Variants in CTDSPL2 observed in about 807,000 individuals in gnomAD.
The protein encoded by CTDSPL2 is CTD small phosphatase like 2, also known as CTD small phosphatase-like protein 2.
CTDSPL2 carries 5 observed loss-of-function variants against 60.0 expected under a neutral mutation model. The ratio of observed to expected loss-of-function variants is 0.08; its 90% CI spans 0.04 to 0.18. CTDSPL2 has a LOEUF of 0.18. Among genes scored for constraint, CTDSPL2 ranks in the 10% least tolerant of loss-of-function variants. The probability of loss-of-function intolerance (pLI) is 1.00; values close to 1 mark genes in which losing one functional copy is unlikely to be tolerated. For missense variants in CTDSPL2, 370 were observed against 548.8 expected, an observed-to-expected ratio of 0.67 and a Z score of 3.26; for synonymous variants, 186 against 189.3, an observed-to-expected ratio of 0.98 and a Z score of 0.14.
chr15:44,465,774 T>A (rs1006940856), intron 2 of CTDSPL2, among the ~76,000 whole-genome samples: 3 of 144,868 alleles, frequency 2.1e-5, no homozygotes, highest in Non-Finnish European at 4.5e-5. Context: ...AGTGCAGTGG[T>A]ACAATCTGGG....
At chr15:44,435,521 A>G (rs1402878061) in intron 1 of CTDSPL2, among the ~76,000 whole-genome samples, 2 of 150,238 alleles carry the variant, frequency 1.3e-5, no homozygotes, top group Non-Finnish European at 3.0e-5. Context: ...GTGAGCTGAG[A>G]TCGCGCCATC....
chr15:44,474,056 G>A (rs562279447), intron 2 of CTDSPL2, among the ~76,000 whole-genome samples: 17 of 152,050 alleles, frequency 1.1e-4, no homozygotes, highest in Non-Finnish European at 1.9e-4. Context: ...TCCAACTTCT[G>A]GGCTCAGGCA....
rs144938173 is a variant in CTDSPL2, at chr15:44,505,815, G to A, written c.969+6002G>A. On this transcript the variant is annotated intron_variant, in intron 8 of 12. Coordinates refer to ENST00000260327, the MANE Select transcript of CTDSPL2 (RefSeq NM_016396.3). The stretch of plus-strand genomic sequence containing the variant: ...TAATGGCTATAAATTTAGAAGGTGT[G>A]ACAGTTGATTACATTAAATTGGAGG... Among the ~76,000 whole-genome samples the A allele has an allele frequency of 2.4e-3, 369 of 151,872 alleles. 5 individuals carry two copies. The highest frequency in any genetic ancestry group is 8.7e-3 in the African/African-American group (362 of 41,424).
intron 2 of CTDSPL2, among the ~76,000 whole-genome samples, chr15:44,468,753 C>T (rs148024469): frequency 3.8e-4 from 58 of 152,124 alleles, no homozygotes; most frequent in African/African-American, 1.1e-3. Flanking sequence ...GTTTTGTGTT[C>T]CATAGTTTTA....
chr15:44,484,413 C>G (rs2081082976), intron 3 of CTDSPL2, 51 bp downstream of exon 3: 5 of 1,513,246 alleles, frequency 3.3e-6, no homozygotes, highest in Non-Finnish European at 4.6e-6. Context: ...AGAGATCTCA[C>G]CTGACACATT....
chr15:44,471,812 CTGTCTCTA>C (rs1415876606), intron 2 of CTDSPL2, among the ~76,000 whole-genome samples: 1 of 151,982 alleles, frequency 6.6e-6, no homozygotes, highest in Non-Finnish European at 1.5e-5. Context: ...AATCTGCTTC[CTGTCTCTA>C]TGGATTTTGC....
intron 6 of CTDSPL2, 82 bp downstream of exon 6, chr15:44,496,540 A>G (rs1240105801): frequency 3.8e-6 from 4 of 1,050,774 alleles, no homozygotes; most frequent in Non-Finnish European, 5.9e-6. Flanking sequence ...GTGGCTAAAT[A>G]GTATATTGCC....
rs767050115 is a variant in CTDSPL2, at chr15:44,470,377, TCTTA to T, written c.186+11184_186+11187del. ...TAATATTGATATAGCCATACAGTTT[TCTTA>T]CTTACTATTTGCATGATATATGTTT... On this transcript the variant is annotated intron_variant, in intron 2 of 12. Coordinates refer to ENST00000260327, the MANE Select transcript of CTDSPL2 (RefSeq NM_016396.3). 24 of 152,240 alleles carry T rather than the reference TCTTA, an allele frequency of 1.6e-4. No homozygotes were observed. In the East Asian group the frequency reaches 1.9e-3, roughly 12 times the overall value. The allele number at this position is 152,240 out of a possible 1,614,324, so 9.4% of individuals were successfully genotyped here. A position where few individuals can be genotyped will look rare whatever the true frequency, so the allele number is the denominator to read the frequency against.
chr15:44,486,943 T>C, intron 4 of CTDSPL2, among the ~76,000 whole-genome samples: 1 of 152,014 alleles, frequency 6.6e-6, no homozygotes, highest in Non-Finnish European at 1.5e-5. Flanking sequence ...TTTTTTGTAT[T>C]TTTGGTTGAG....
At chr15:44,442,217 G>A (rs1439191038) in intron 1 of CTDSPL2, among the ~76,000 whole-genome samples, 1 of 152,232 alleles carries the variant, frequency 6.6e-6, no homozygotes, top group Non-Finnish European at 1.5e-5. Context: ...TTGGGAGGCC[G>A]AGGCGGGCAG....
At chr15:44,484,570 A>G (rs1017451714) in intron 3 of CTDSPL2, among the ~76,000 whole-genome samples, 2 of 152,188 alleles carry the variant, frequency 1.3e-5, no homozygotes, top group Non-Finnish European at 2.9e-5. Flanking sequence ...CCCCGTCTCT[A>G]TTAAAATCAC....
intron 2 of CTDSPL2, among the ~76,000 whole-genome samples, chr15:44,466,754 A>G (rs142395581): frequency 0.027 from 4,000 of 149,960 alleles, 91 homozygotes; most frequent in East Asian, 0.1. Context: ...ACCACAGTGA[A>G]ACCCCGTCTC....
intron 2 of CTDSPL2, among the ~76,000 whole-genome samples, chr15:44,482,267 C>T (rs1055104389): frequency 1.1e-4 from 16 of 152,168 alleles, no homozygotes; most frequent in African/African-American, 3.9e-4. Context: ...TCCCAAGTAG[C>T]TGAGATTACA....
chr15:44,442,976 C>CAA (rs72305309), intron 1 of CTDSPL2, among the ~76,000 whole-genome samples: 2 of 136,506 alleles, frequency 1.5e-5, no homozygotes, highest in East Asian at 2.1e-4. Flanking sequence ...GACCGTGTCT[C>CAA]AAAAAAAAAA....
At chr15:44,521,681 G>A (rs2081771080) in intron 12 of CTDSPL2, among the ~76,000 whole-genome samples, 1 of 152,022 alleles carries the variant, frequency 6.6e-6, no homozygotes, top group Admixed American at 6.6e-5. Context: ...GCTCACGCCT[G>A]TAATCCCAGC....
intron 1 of CTDSPL2, among the ~76,000 whole-genome samples, chr15:44,449,727 A>C (rs1317673698): frequency 6.6e-6 from 1 of 151,898 alleles, no homozygotes; most frequent in Non-Finnish European, 1.5e-5. Context: ...TGGTGGCACT[A>C]GCCTGTAATC....
At position 44,499,353 on chromosome 15, in the gene CTDSPL2, T is replaced by C. The variant is rs1328831620; in HGVS notation, c.883-374T>C. Among the ~76,000 whole-genome samples, 4 of 152,006 alleles carry C rather than the reference T, an allele frequency of 2.6e-5. No homozygotes were observed. In the South Asian group the frequency reaches 6.2e-4, roughly 24 times the overall value. ...CCAGGAGGTGGAGGTTGCGGTGAGCTGAGATCGCACCACTGCACTCCAGCC... is the reference window on the plus strand; with the variant it reads ...CCAGGAGGTGGAGGTTGCGGTGAGCCGAGATCGCACCACTGCACTCCAGCC... On this transcript the variant is annotated intron_variant, in intron 7 of 12. Transcript: ENST00000260327.
intron 2 of CTDSPL2, among the ~76,000 whole-genome samples, chr15:44,467,002 A>T (rs139105395): frequency 2.9e-4 from 44 of 152,314 alleles, no homozygotes; most frequent in African/African-American, 9.4e-4. Flanking sequence ...TTGTAACACA[A>T]TGTTAAGTAT....
intron 2 of CTDSPL2, among the ~76,000 whole-genome samples, chr15:44,474,365 C>G (rs1020997592): frequency 1.3e-5 from 2 of 152,156 alleles, no homozygotes; most frequent in Admixed American, 6.6e-5. Flanking sequence ...GTGGTACACG[C>G]CTGTAGTCCC....
Sources: gnomAD v4.1 joint callset for allele counts (sites outside exome capture counted in the v4.1 genomes callset) on GRCh38, gnomAD v4.1.1 for gene constraint, MANE v1.5 for transcripts, NCBI Gene and HGNC (gene_info 2026-07-23, HGNC 2026-07-21) for gene names.